The following MAML2 variants were observed in gnomAD, a reference collection of about 807,000 sequenced individuals.
MAML2 encodes the protein mastermind-like protein 2.
Under a neutral mutation model 96.1 loss-of-function variants are expected in MAML2, and 22 were observed. The observed-to-expected ratio is 0.23, with a 90% CI of 0.16 to 0.33. MAML2 has a LOEUF of 0.33. MAML2 is among the 10% of genes least tolerant of loss of function. The pLI is 1.00. For missense variants in MAML2, 1,367 were observed against 1,392.4 expected (o/e 0.98, Z 0.29); for synonymous variants, 561 against 521.3 (o/e 1.08, Z -1.04).
At chr11:96,208,429 T>C (rs557120067) in intron 1 of MAML2, among the ~76,000 whole-genome samples, 1 of 152,350 alleles carries the variant, frequency 6.6e-6, no homozygotes, top group South Asian at 2.1e-4. Context: ...TTTCTGGGAC[T>C]ATTAAAAAAG....
chr11:96,138,451 T>A (rs1378394919), intron 1 of MAML2, among the ~76,000 whole-genome samples: 2 of 152,156 alleles, frequency 1.3e-5, no homozygotes, highest in African/African-American at 2.4e-5. Context: ...TGGCTGCCTC[T>A]TATATTGTGT....
chr11:96,039,347 G>C (rs1641433206), intron 2 of MAML2, among the ~76,000 whole-genome samples: 1 of 137,824 alleles, frequency 7.3e-6, no homozygotes, highest in Non-Finnish European at 1.6e-5. Flanking sequence ...GGAGAGGAGA[G>C]AGGAGACAGG....
chr11:96,183,103 G>A (rs190082635), intron 1 of MAML2, among the ~76,000 whole-genome samples: 94 of 151,654 alleles, frequency 6.2e-4, no homozygotes, highest in East Asian at 1.2e-3. Flanking sequence ...GACTACAGGC[G>A]TGTACCACGA....
Position 96,093,079 on chromosome 11 carries a change from C to T in MAML2, c.952G>A (p.Val318Met), listed in dbSNP as rs1224257706. Residue 318 changes from valine (V) to methionine (M), a missense_variant, in exon 2 of 5, where the codon GTG becomes ATG. Coordinates refer to ENST00000524717, the MANE Select transcript of MAML2 (RefSeq NM_032427.4). ...ELFNELTNISVPPMSDLELEN... is the reference protein window; with the variant it reads ...ELFNELTNISMPPMSDLELEN... ...AGTTCAAGGTCACTCATGGGAGGCA[C>T]AGATATGTTGGTCAGTTCATTGAAC... The T allele has an allele frequency of 6.2e-7, 1 of 1,613,882 alleles. No homozygotes were observed. Among genetic ancestry groups the T allele is most frequent in the African/African-American group, 1.3e-5 (1 of 74,910 alleles).
chr11:96,087,145 T>C (rs1265376637), intron 2 of MAML2, among the ~76,000 whole-genome samples: 1 of 152,130 alleles, frequency 6.6e-6, no homozygotes, highest in Non-Finnish European at 1.5e-5. Flanking sequence ...ACCATTTGAG[T>C]TATTCGTATA....
intron 2 of MAML2, among the ~76,000 whole-genome samples, chr11:96,000,367 C>G (rs1858062277): frequency 6.6e-6 from 1 of 152,212 alleles, no homozygotes. Flanking sequence ...CAGCCATACA[C>G]ATTCATTCAT....
rs551629185 is a variant in MAML2, at chr11:96,076,920, A to G, written c.2139+14972T>C. On this transcript the variant is annotated intron_variant, in intron 2 of 4. Transcript: ENST00000524717. The stretch of plus-strand genomic sequence containing the variant: ...TTGCATTCATAGCCATTTAGATCTG[A>G]CCCCATTTCAAGTGTTCAGAAAAAT... 4.6e-5 allele frequency among the ~76,000 whole-genome samples: 7 copies of G among 152,228 alleles called. No individual in the cohort carries two copies. In the South Asian group the frequency reaches 1.5e-3, roughly 32 times the overall value.
Position 96,015,713 on chromosome 11 carries a change from T to C in MAML2, c.2140-23990A>G, listed in dbSNP as rs569496920. ...ATAAGTGAATTGTCTGCAGGCTTTATGGCATTAGATACTAAGAATATGAAC... is the reference window on the plus strand; with the variant it reads ...ATAAGTGAATTGTCTGCAGGCTTTACGGCATTAGATACTAAGAATATGAAC... On this transcript the variant is annotated intron_variant, in intron 2 of 4. Coordinates refer to ENST00000524717, the MANE Select transcript of MAML2 (RefSeq NM_032427.4). Among the ~76,000 whole-genome samples the C allele has an allele frequency of 3.3e-5, 5 of 152,192 alleles. No homozygotes were observed. The South Asian group carries it at 8.3e-4, about 25-fold the overall frequency.
chr11:96,263,791 A>C (rs1249253848), intron 1 of MAML2, among the ~76,000 whole-genome samples: 4 of 152,236 alleles, frequency 2.6e-5, no homozygotes, highest in African/African-American at 9.6e-5. Context: ...GGTTGGTATC[A>C]TTAAAAGAGC....
chr11:96,293,426 C>T (rs1863243470), intron 1 of MAML2, among the ~76,000 whole-genome samples: 1 of 152,206 alleles, frequency 6.6e-6, no homozygotes, highest in South Asian at 2.1e-4. Context: ...CTTTCATATG[C>T]TAAAAGGGAG....
At chr11:96,187,423 G>T (rs544985730) in intron 1 of MAML2, among the ~76,000 whole-genome samples, 6 of 152,306 alleles carry the variant, frequency 3.9e-5, no homozygotes, top group Admixed American at 3.9e-4. Flanking sequence ...TATAAACGTA[G>T]CTTCACTTAA....
intron 1 of MAML2, among the ~76,000 whole-genome samples, chr11:96,164,712 G>C (rs1472037619): frequency 3.9e-5 from 6 of 152,104 alleles, no homozygotes; most frequent in Non-Finnish European, 7.3e-5. Flanking sequence ...AAGAAAGTAG[G>C]GTCAAAGATC....
rs530578845 is a variant in MAML2 at position 96,166,177 on chromosome 11, T to TCTCTCTCACACACA, written c.514-72661_514-72660insTGTGTGTGAGAGAG. Among the ~76,000 whole-genome samples, 639 of 110,354 alleles carry TCTCTCTCACACACA rather than the reference T, an allele frequency of 5.8e-3. 6 individuals carry two copies. The highest frequency in any genetic ancestry group is 0.016 in the South Asian group (48 of 3,056). The allele number at this position is 110,354 out of a possible 152,430, so 72.4% of individuals were successfully genotyped here. ...CTGTCTCTCTCTCTCTCTCTCTCTC[T>TCTCTCTCACACACA]CACACACACACACACACACACACAC... On this transcript the variant is annotated intron_variant, in intron 1 of 4. Coordinates refer to ENST00000524717, the MANE Select transcript of MAML2 (RefSeq NM_032427.4).
intron 1 of MAML2, among the ~76,000 whole-genome samples, chr11:96,119,282 G>A (rs2135842429): frequency 6.6e-6 from 1 of 152,334 alleles, no homozygotes; most frequent in African/African-American, 2.4e-5. Flanking sequence ...GGATTATCCA[G>A]GTGAATGTCA....
At chr11:96,281,351 T>A (rs1473611058) in intron 1 of MAML2, among the ~76,000 whole-genome samples, 1 of 152,100 alleles carries the variant, frequency 6.6e-6, no homozygotes, top group Non-Finnish European at 1.5e-5. Context: ...AAGAGAGTGC[T>A]AGTGTTGCCG....
At chr11:96,161,727 C>T (rs569123202) in intron 1 of MAML2, among the ~76,000 whole-genome samples, 40 of 152,330 alleles carry the variant, frequency 2.6e-4, no homozygotes, top group African/African-American at 8.9e-4. Context: ...AGTTCGTATG[C>T]GACTCCACCG....
intron 2 of MAML2, among the ~76,000 whole-genome samples, chr11:95,998,580 C>T (rs532756581): frequency 2.1e-4 from 32 of 152,116 alleles, no homozygotes; most frequent in Non-Finnish European, 4.1e-4. Flanking sequence ...GGATTGTGGG[C>T]AGTCTTATTA....
intron 4 of MAML2, 28 bp downstream of exon 4, chr11:95,985,503 A>G: frequency 7.2e-7 from 1 of 1,379,948 alleles, no homozygotes; most frequent in Non-Finnish European, 1.0e-6. Context: ...CACAGCTATA[A>G]TTTTTATTAA....
chr11:96,111,330 T>A (rs772923409), intron 1 of MAML2, among the ~76,000 whole-genome samples: 97 of 152,212 alleles, frequency 6.4e-4, no homozygotes, highest in Non-Finnish European at 1.1e-3. Context: ...CCCATTGACC[T>A]GTACCTATTC....
Sources: gnomAD v4.1 joint callset for allele counts (sites outside exome capture counted in the v4.1 genomes callset) on GRCh38, gnomAD v4.1.1 for gene constraint, MANE v1.5 for transcripts, NCBI Gene and HGNC (gene_info 2026-07-23, HGNC 2026-07-21) for gene names.